SFMBT2: variants seen among roughly 807,000 people sequenced by gnomAD.
The protein encoded by SFMBT2 is scm-like with four MBT domains protein 2.
A neutral mutation model predicts 110.1 loss-of-function variants in SFMBT2; 38 were observed. That is an observed-to-expected ratio of 0.35 (90% confidence interval 0.27 to 0.45). The LOEUF (loss-of-function observed/expected upper bound fraction) is 0.45. Among genes scored for constraint, SFMBT2 ranks in the 20% least tolerant of loss-of-function variants. SFMBT2 has a pLI of 1.00. For synonymous variants in SFMBT2, 425 were observed against 425.4 expected (o/e 1.00, Z 0.01); for missense variants, 1,011 against 1,094.9 (o/e 0.92, Z 1.08).
In SFMBT2 at chr10:7,170,991, G is replaced by A. The variant is rs929117063; in HGVS notation, c.2481C>T (p.Thr827=). The A allele has an allele frequency of 1.1e-5, 17 of 1,614,014 alleles. No individual in the cohort carries two copies. The highest frequency in any genetic ancestry group is 1.2e-5 in the Non-Finnish European group (14 of 1,180,016). The change falls in exon 20 of 21, where the codon ACC becomes ACT. Residue 827 remains threonine (T), a synonymous_variant. Transcript: ENST00000397167. The surrounding 1 kb of genome is among the most constrained non-coding windows in gnomAD (Gnocchi z 4.6). ...LESNPLEWTV[T]DVVRFIKLTD... ...TCAGCTTAATGAACCTCACCACGTCGGTGACCGTCCACTCCAACGGGTTGC... is the reference window on the plus strand; with the variant it reads ...TCAGCTTAATGAACCTCACCACGTCAGTGACCGTCCACTCCAACGGGTTGC...
chr10:7,397,450 T>A (rs1845957105), intron 1 of SFMBT2, among the ~76,000 whole-genome samples: 2 of 152,054 alleles, frequency 1.3e-5, no homozygotes, highest in Non-Finnish European at 2.9e-5. Flanking sequence ...AGCGAAAAGC[T>A]TGTGAAATTC....
chr10:7,381,072 CAT>C (rs1191162101), intron 2 of SFMBT2, among the ~76,000 whole-genome samples: 4 of 103,222 alleles, frequency 3.9e-5, no homozygotes, highest in African/African-American at 3.8e-4. Flanking sequence ...CACATACACA[CAT>C]ACATACATAC....
intron 7 of SFMBT2, among the ~76,000 whole-genome samples, chr10:7,258,675 G>GA (rs1185488500): frequency 1.3e-5 from 2 of 152,164 alleles, no homozygotes; most frequent in Non-Finnish European, 2.9e-5. Context: ...AGGTCCCGCT[G>GA]AAAAAACCAT....
chr10:7,405,867 G>A (rs867785397), intron 1 of SFMBT2, among the ~76,000 whole-genome samples: 10 of 123,710 alleles, frequency 8.1e-5, no homozygotes, highest in African/African-American at 2.8e-4. Context: ...TTCCTTAGCA[G>A]CTAGTGTTAA....
At chr10:7,199,864 G>A (rs2131599571) in intron 14 of SFMBT2, among the ~76,000 whole-genome samples, 1 of 152,292 alleles carries the variant, frequency 6.6e-6, no homozygotes, top group East Asian at 1.9e-4. Context: ...GTACAAACAT[G>A]TCTATTACCA....
chr10:7,294,332 C>T (rs2131865573), intron 4 of SFMBT2, among the ~76,000 whole-genome samples: 1 of 152,308 alleles, frequency 6.6e-6, no homozygotes, highest in East Asian at 1.9e-4. Context: ...GAAACCTCAT[C>T]CTAAACCTGT....
intron 2 of SFMBT2, among the ~76,000 whole-genome samples, chr10:7,378,649 TGA>T (rs1467525440): frequency 3.9e-5 from 5 of 127,406 alleles, no homozygotes; most frequent in Non-Finnish European, 8.2e-5. Context: ...TGGATGGGTG[TGA>T]GTGTGGGTGT....
chr10:7,311,487 T>C (rs1842856212), intron 4 of SFMBT2, among the ~76,000 whole-genome samples: 1 of 152,230 alleles, frequency 6.6e-6, no homozygotes, highest in South Asian at 2.1e-4. Flanking sequence ...ACATCCTCCA[T>C]CGTCATCCAA....
At chr10:7,261,998 G>A (rs1245369375) in intron 7 of SFMBT2, among the ~76,000 whole-genome samples, 1 of 152,236 alleles carries the variant, frequency 6.6e-6, no homozygotes, top group Non-Finnish European at 1.5e-5. Context: ...TGGGGGCAGG[G>A]GTGACAGCGC....
intron 1 of SFMBT2, among the ~76,000 whole-genome samples, chr10:7,399,945 G>A (rs1302724370): frequency 1.3e-5 from 2 of 152,170 alleles, no homozygotes; most frequent in African/African-American, 4.8e-5. Flanking sequence ...TAGTCACCAT[G>A]GTCTGAGCCA....
intron 2 of SFMBT2, among the ~76,000 whole-genome samples, chr10:7,372,644 T>C (rs986547891): frequency 1.3e-5 from 2 of 152,216 alleles, no homozygotes; most frequent in African/African-American, 4.8e-5. Flanking sequence ...AGCCGTCTCC[T>C]GGAAAACACC....
intron 9 of SFMBT2, among the ~76,000 whole-genome samples, chr10:7,237,306 A>G (rs1184207867): frequency 6.6e-6 from 1 of 152,242 alleles, no homozygotes; most frequent in Non-Finnish European, 1.5e-5. Flanking sequence ...GAATTTTCAA[A>G]TATTACAGTA....
At position 7,159,606 on chromosome 10, in the gene SFMBT2, G is replaced by A. The variant is rs1411823170; in HGVS notation, c.*4164C>T. 6.6e-6 allele frequency: 1 copy of A among 152,036 alleles called. No homozygotes were observed. Among genetic ancestry groups the A allele is most frequent in the Non-Finnish European group, 1.5e-5 (1 of 68,010 alleles). 9.4% of individuals were successfully genotyped at this position (152,036 alleles called of 1,614,324 possible). ...ACAATTTCTTCCTTAACAACTACAGGTTTCTTAATTGACTATGTTGCCTTT... is the reference window on the plus strand; with the variant it reads ...ACAATTTCTTCCTTAACAACTACAGATTTCTTAATTGACTATGTTGCCTTT... On this transcript the variant is annotated 3_prime_UTR_variant, in exon 21 of 21. Transcript: ENST00000397167.
In SFMBT2 at chr10:7,160,068, A is replaced by C. The variant is rs1837509476; in HGVS notation, c.*3702T>G. The C allele has an allele frequency of 6.6e-6, 1 of 152,208 alleles. No homozygotes were observed. The highest frequency in any genetic ancestry group is 6.5e-5 in the Admixed American group (1 of 15,282). 9.4% of individuals were successfully genotyped at this position (152,208 alleles called of 1,614,324 possible). On this transcript the variant is annotated 3_prime_UTR_variant, in exon 21 of 21. Transcript: ENST00000397167. Reference sequence around the variant, plus strand: ...AGCAAACACAGGAAATAATCTTTCGAATATGATCAAATAAGGTGGGAGAAC... The same window carrying C: ...AGCAAACACAGGAAATAATCTTTCGCATATGATCAAATAAGGTGGGAGAAC...
chr10:7,376,740 A>C (rs1443327958), intron 2 of SFMBT2, among the ~76,000 whole-genome samples: 1 of 10,272 alleles, frequency 9.7e-5, no homozygotes. Context: ...AAAAAAAAAA[A>C]AAAAAAAAAA....
intron 4 of SFMBT2, among the ~76,000 whole-genome samples, chr10:7,339,005 T>C (rs1184255583): frequency 2.6e-5 from 4 of 152,142 alleles, no homozygotes; most frequent in African/African-American, 9.7e-5. Context: ...TTTGGGAGGC[T>C]GAGGTGGGCA....
intron 4 of SFMBT2, among the ~76,000 whole-genome samples, chr10:7,357,323 C>T (rs367693516): frequency 1.2e-4 from 19 of 152,182 alleles, no homozygotes; most frequent in African/African-American, 4.3e-4. Context: ...TTGTTGGATG[C>T]GACTAACATT....
chr10:7,396,938 GAGAT>G lies in SFMBT2; in HGVS notation c.-52+13919_-52+13922del, dbSNP rs1475653749. 2.1e-3 allele frequency among the ~76,000 whole-genome samples: 311 copies of G among 150,256 alleles called. 1 individual carries two copies. Among genetic ancestry groups the G allele is most frequent in the African/African-American group, 7.3e-3 (296 of 40,676 alleles). On this transcript the variant is annotated intron_variant, in intron 1 of 20. Coordinates refer to ENST00000397167, the MANE Select transcript of SFMBT2 (RefSeq NM_001387889.1). Reference sequence around the variant, plus strand: ...GGGGAGGGGGGAGGGATAGCATTAGGAGATATACCTAATGTAAATGACGAGTTAA... The same window carrying G: ...GGGGAGGGGGGAGGGATAGCATTAGGATACCTAATGTAAATGACGAGTTAA...
rs143896462 is a variant in SFMBT2, at chr10:7,237,552, C to T, written c.1120+6006G>A. Among the ~76,000 whole-genome samples the T allele has an allele frequency of 4.1e-4, 62 of 152,236 alleles. 1 individual carries two copies. The highest frequency in any genetic ancestry group is 1.4e-3 in the African/African-American group (60 of 41,536). ...AAAGCATGTAATCTTTAGGAGGGTG[C>T]TCACCTTGCGGAGGATGAGGGGTGA... On this transcript the variant is annotated intron_variant, in intron 9 of 20. Transcript: ENST00000397167.
Sources: gnomAD v4.1 joint callset for allele counts (sites outside exome capture counted in the v4.1 genomes callset) on GRCh38, gnomAD v4.1.1 for gene constraint, Gnocchi (gnomAD v3.1) non-coding constraint, MANE v1.5 for transcripts, NCBI Gene and HGNC (gene_info 2026-07-23, HGNC 2026-07-21) for gene names.